Variants in BTBD8 observed in about 807,000 individuals in gnomAD.
BTBD8 encodes BTB/POZ domain-containing protein 8.
In BTBD8, 110 loss-of-function variants were observed where a neutral mutation model predicts 162.9. The ratio of observed to expected loss-of-function variants is 0.68; its 90% CI spans 0.58 to 0.79. The LOEUF (loss-of-function observed/expected upper bound fraction) is 0.79. BTBD8 is among the 30% of genes least tolerant of loss of function. BTBD8 has a pLI of 0.00. For synonymous variants in BTBD8, 667 were observed against 716.1 expected (o/e 0.93, Z 1.10); for missense variants, 1,905 against 2,085.4 (o/e 0.91, Z 1.68).
intron 13 of BTBD8, among the ~76,000 whole-genome samples, chr1:92,174,177 C>CT (rs1221929561): frequency 6.6e-6 from 1 of 152,020 alleles, no homozygotes; most frequent in African/African-American, 2.4e-5. Context: ...CTTCTGTCCT[C>CT]TTATGATTAT....
At chr1:92,088,459 A>G (rs866684083) in intron 1 of BTBD8, among the ~76,000 whole-genome samples, 17 of 152,308 alleles carry the variant, frequency 1.1e-4, no homozygotes, top group South Asian at 2.1e-4. Context: ...TTGAAACAGT[A>G]GTCTTACTCT....
At position 92,107,954 on chromosome 1, in the gene BTBD8, C is replaced by T. The variant is rs760617811; in HGVS notation, c.615C>T (p.Cys205=). The change falls in exon 4 of 18, where the codon TGC becomes TGT. Residue 205 remains cysteine (C), a synonymous_variant. Coordinates refer to ENST00000636805, the MANE Select transcript of BTBD8 (RefSeq NM_001376131.1). ...DLLKLYVKPC[C]PDIDIFVDGK... is the part of the protein sequence containing the mutation. ...TGAAGCTTTATGTGAAACCTTGTTG[C>T]CCAGATATTGATATTTTTGTTGATG... 4 of 1,613,910 alleles carry T rather than the reference C, an allele frequency of 2.5e-6. No individual in the cohort carries two copies. Among genetic ancestry groups the T allele is most frequent in the Non-Finnish European group, 1.7e-6 (2 of 1,179,936 alleles).
At chr1:92,133,529 A>G (rs781698085) in intron 5 of BTBD8, among the ~76,000 whole-genome samples, 3 of 152,240 alleles carry the variant, frequency 2.0e-5, no homozygotes, top group Non-Finnish European at 4.4e-5. Flanking sequence ...TTTTCCATCA[A>G]TAGATTCGAA....
chr1:92,102,987 G>A (rs562127671), intron 3 of BTBD8, among the ~76,000 whole-genome samples: 8 of 152,168 alleles, frequency 5.3e-5, no homozygotes, highest in African/African-American at 1.9e-4. Context: ...AAAAATGGTA[G>A]CCTAGTTTTA....
chr1:92,180,663 C>T lies in BTBD8; in HGVS notation c.2980C>T (p.Leu994Phe), dbSNP rs1193851929. ...GAAGCCTCACAAACCTCTCATTAAT[C>T]TTGCATCTGAAATAAGTGATGCAGA... is the stretch of plus-strand genomic sequence containing the variant. ...EQKPHKPLIN[L>F]ASEISDAEAL... The change falls in exon 17 of 18, where the codon CTT (leucine) becomes TTT (phenylalanine). Residue 994 changes from leucine to phenylalanine, a missense_variant. By Grantham distance (22) the Leu-to-Phe change is conservative (BLOSUM62 0). This residue lies in a region of BTBD8 where 1,374 missense variants were observed against 1,442.7 expected (regional missense o/e 0.95). Coordinates refer to ENST00000636805, the MANE Select transcript of BTBD8 (RefSeq NM_001376131.1). The T allele has an allele frequency of 6.4e-7, 1 of 1,551,270 alleles. No individual in the cohort carries two copies. The highest frequency in any genetic ancestry group is 1.2e-5 in the South Asian group (1 of 83,998).
intron 4 of BTBD8, among the ~76,000 whole-genome samples, chr1:92,121,801 G>C (rs1293207668): frequency 6.6e-6 from 1 of 151,060 alleles, no homozygotes; most frequent in African/African-American, 2.4e-5. Flanking sequence ...TACCTCTTTG[G>C]TTAGTTTTCT....
chr1:92,175,206 C>G (rs995431780), intron 13 of BTBD8, among the ~76,000 whole-genome samples: 3 of 151,758 alleles, frequency 2.0e-5, no homozygotes, highest in Non-Finnish European at 4.4e-5. Context: ...ATAGGACGGG[C>G]GCGGTGGCTC....
chr1:92,100,624 T>C (rs1422762725), intron 2 of BTBD8, among the ~76,000 whole-genome samples: 1 of 152,064 alleles, frequency 6.6e-6, no homozygotes, highest in East Asian at 1.9e-4. Context: ...TTATTATTAT[T>C]TTTGAGATGG....
chr1:92,146,834 A>G (rs893283560), intron 7 of BTBD8, among the ~76,000 whole-genome samples: 2 of 152,068 alleles, frequency 1.3e-5, no homozygotes, highest in African/African-American at 4.8e-5. Flanking sequence ...GATGTACTAC[A>G]GTTTATTTAT....
chr1:92,158,448 T>C (rs570251575), intron 9 of BTBD8, among the ~76,000 whole-genome samples: 75 of 152,268 alleles, frequency 4.9e-4, no homozygotes, highest in South Asian at 1.5e-3. Flanking sequence ...CTCATAGATA[T>C]AACAGTCTAT....
intron 4 of BTBD8, among the ~76,000 whole-genome samples, chr1:92,122,925 C>G (rs1340248108): frequency 6.6e-6 from 1 of 152,202 alleles, no homozygotes; most frequent in East Asian, 1.9e-4. Flanking sequence ...CTATTTCTAG[C>G]AAGTGATTCT....
intron 3 of BTBD8, among the ~76,000 whole-genome samples, chr1:92,105,221 T>A (rs1648696714): frequency 2.0e-5 from 3 of 152,062 alleles, no homozygotes; most frequent in Admixed American, 2.0e-4. Flanking sequence ...CGTGAGCCAC[T>A]GTGCCCGGCC....
At chr1:92,126,708 G>A (rs1049875504) in intron 4 of BTBD8, among the ~76,000 whole-genome samples, 2 of 152,158 alleles carry the variant, frequency 1.3e-5, no homozygotes, top group Non-Finnish European at 2.9e-5. Context: ...GGCAATGTTA[G>A]CATTCAACCT....
chr1:92,094,144 T>G (rs1648389559), intron 2 of BTBD8, among the ~76,000 whole-genome samples: 1 of 152,226 alleles, frequency 6.6e-6, no homozygotes, highest in African/African-American at 2.4e-5. Flanking sequence ...GCTTTGTGCT[T>G]CATAGCACTT....
intron 5 of BTBD8, among the ~76,000 whole-genome samples, chr1:92,133,983 G>T (rs928487151): frequency 7.4e-6 from 1 of 135,934 alleles, no homozygotes; most frequent in Non-Finnish European, 1.6e-5. Flanking sequence ...AAAAAAAAAA[G>T]AATTCTATGA....
intron 9 of BTBD8, among the ~76,000 whole-genome samples, chr1:92,149,117 A>C (rs187899388): frequency 1.6e-3 from 241 of 152,348 alleles, no homozygotes; most frequent in African/African-American, 5.6e-3. Context: ...CTACAGCTAC[A>C]TGAGGAGTTA....
chr1:92,180,894 T>C lies in BTBD8; in HGVS notation c.3211T>C (p.Cys1071Arg). ...ETDDCDAANI[C>R]CHSVGSDNVN... ...AGATGATTGCGATGCAGCTAACATA[T>C]GTTGTCATTCTGTTGGGAGTGATAA... is the stretch of plus-strand genomic sequence containing the variant. The change falls in exon 17 of 18, where the codon TGT becomes CGT. Residue 1071 changes from cysteine to arginine, a missense_variant. By Grantham distance (180) the Cys-to-Arg change is radical. Transcript: ENST00000636805. The C allele has an allele frequency of 1.3e-6, 2 of 1,551,674 alleles. No homozygotes were observed. Among genetic ancestry groups the C allele is most frequent in the Non-Finnish European group, 1.7e-6 (2 of 1,146,988 alleles).
chr1:92,166,212 A>G (rs1439583562), intron 9 of BTBD8, among the ~76,000 whole-genome samples: 2 of 152,166 alleles, frequency 1.3e-5, no homozygotes, highest in African/African-American at 4.8e-5. Context: ...TGGGGATTAT[A>G]AGTAATTTTT....
At chr1:92,096,814 A>G (rs1057077734) in intron 2 of BTBD8, among the ~76,000 whole-genome samples, 1 of 152,184 alleles carries the variant, frequency 6.6e-6, no homozygotes, top group African/African-American at 2.4e-5. Context: ...CTGAGATTAC[A>G]GGTATGAGCC....
Sources: allele counts gnomAD v4.1 joint callset (sites outside exome capture counted in the v4.1 genomes callset), GRCh38; gene constraint gnomAD v4.1.1; regional missense constraint gnomAD v4.1.1; transcripts MANE v1.5; gene names NCBI Gene and HGNC (gene_info 2026-07-23, HGNC 2026-07-21).